The following OTOF variants were observed in gnomAD, a reference collection of about 807,000 sequenced individuals.
The protein encoded by OTOF is otoferlin, also known as fer-1-like family member 2.
A neutral mutation model predicts 236.8 loss-of-function variants in OTOF; 218 were observed. The ratio of observed to expected loss-of-function variants is 0.92; its 90% confidence interval spans 0.82 to 1.03. OTOF has a LOEUF of 1.03. Ranked by LOEUF, OTOF falls within the 50% of genes least tolerant of loss-of-function variation. OTOF has a pLI of 0.00. For missense variants in OTOF, 2,590 were observed against 2,694.4 expected (o/e 0.96, Z 0.86); for synonymous variants, 1,041 against 1,072.5 (o/e 0.97, Z 0.57).
intron 46 of OTOF, among the ~76,000 whole-genome samples, chr2:26,459,724 T>C (rs764956248): frequency 1.2e-4 from 19 of 152,134 alleles, no homozygotes; most frequent in Non-Finnish European, 2.4e-4. Flanking sequence ...CTCTTTGGCT[T>C]AATGTGGAAA....
intron 41 of OTOF, 116 bp downstream of exon 41, chr2:26,463,367 G>T: frequency 2.4e-6 from 2 of 836,296 alleles, no homozygotes; most frequent in Admixed American, 4.0e-5. Context: ...AGGCCCCAGG[G>T]ATGCCAACTG....
At chr2:26,547,173 TATTATC>T (rs1443020063) in intron 1 of OTOF, among the ~76,000 whole-genome samples, 1 of 152,256 alleles carries the variant, frequency 6.6e-6, no homozygotes, top group Admixed American at 6.5e-5. Flanking sequence ...TGCTGATAGT[TATTATC>T]ATGAATGGGT....
chr2:26,481,479 G>T (rs1184492083), intron 14 of OTOF, among the ~76,000 whole-genome samples: 1 of 152,138 alleles, frequency 6.6e-6, no homozygotes, highest in African/African-American at 2.4e-5. Context: ...CTAGGCACAA[G>T]TCCCTTCTCT....
Position 26,467,443 on chromosome 2 carries a change from C to T in OTOF, c.4149G>A (p.Lys1383=). 1 of 1,614,116 alleles carries T rather than the reference C, an allele frequency of 6.2e-7. No individual in the cohort carries two copies. The change falls in exon 34 of 47, where the codon AAG becomes AAA. Residue 1383 remains lysine, a synonymous_variant. Transcript: ENST00000272371. ...EKARAAKEEK[K]KKTQSSGSGQ... The stretch of plus-strand genomic sequence containing the variant: ...CAGAGCCAGAGCTCTGAGTTTTCTT[C>T]TTCTTCTCCTCTTTGGCAGCCCTTG...
Position 26,473,452 on chromosome 2 carries a change from TA to T in OTOF, c.3523del (p.Tyr1175IlefsTer28), listed in dbSNP as rs1315748720. The T allele has an allele frequency of 2.5e-6, 4 of 1,613,208 alleles. No individual in the cohort carries two copies. The highest frequency in any genetic ancestry group is 3.4e-6 in the Non-Finnish European group (4 of 1,179,978). ...KGVQSSLIHN[Y>X]KKNPNFNTLV... The stretch of plus-strand genomic sequence containing the variant: ...GGTGTTGAAGTTGGGGTTCTTCTTA[TA>T]ATTGTGGATCAGGGACGACTGCACC... On this transcript the variant is annotated frameshift_variant, in exon 28 of 47. Coordinates refer to ENST00000272371, the MANE Select transcript of OTOF (RefSeq NM_194248.3). LOFTEE classifies it high-confidence loss of function. This position sits in a 1 kb window ranked among gnomAD's most constrained non-coding sequence, Gnocchi z 7.2.
intron 2 of OTOF, among the ~76,000 whole-genome samples, chr2:26,536,574 G>T (rs758835143): frequency 6.6e-6 from 1 of 152,120 alleles, no homozygotes; most frequent in Non-Finnish European, 1.5e-5. Flanking sequence ...CAGCCACATC[G>T]TGTGGCCTGG....
rs56054534 is a variant in OTOF, at chr2:26,473,506, C to T, written c.3470G>A (p.Arg1157Gln). Residue 1157 changes from arginine (R) to glutamine (Q), a missense_variant, in exon 28 of 47, where the codon CGG (arginine) becomes CAG (glutamine). Around this residue, in one of 2 missense-constraint regions of OTOF, gnomAD observed 1,211 missense variants for 1,352.8 expected, o/e 0.90. Coordinates refer to ENST00000272371, the MANE Select transcript of OTOF (RefSeq NM_194248.3). This position sits in a 1 kb window ranked among gnomAD's most constrained non-coding sequence, Gnocchi z 7.2. The part of the protein sequence containing the change: ...RVNLAQVDRP[R>Q]VDIECAGKGV... ...CTTCCCTGCACACTCGATGTCCACC[C>T]GTGGCCGGTCCACCTGGGCCAGGTT... The T allele has an allele frequency of 0.012, 20,086 of 1,612,842 alleles. 146 individuals are homozygous for T. Among genetic ancestry groups the T allele is most frequent in the Non-Finnish European group, 0.015 (18,285 of 1,179,924 alleles).
chr2:26,483,520 A>T lies in OTOF; in HGVS notation c.1334T>A (p.Ile445Asn). The T allele has an allele frequency of 6.2e-7, 1 of 1,614,022 alleles. No individual in the cohort carries two copies. Among genetic ancestry groups the T allele is most frequent in the Non-Finnish European group, 8.5e-7 (1 of 1,180,030 alleles). The change falls in exon 13 of 47, where the codon ATC becomes AAC. Residue 445 changes from isoleucine to asparagine, a missense_variant. By Grantham distance (149) the Ile-to-Asn change is moderately radical. This residue lies in a region of OTOF where 1,379 missense variants were observed against 1,341.6 expected (regional missense o/e 1.03). Coordinates refer to ENST00000272371, the MANE Select transcript of OTOF (RefSeq NM_194248.3). ...SLMANVKKAFIGENKDLVDPY... is the reference protein window; with the variant it reads ...SLMANVKKAFNGENKDLVDPY... ...GTCCACGAGGTCCTTGTTTTCACCGATGAAAGCCTTCTTTACATTGGCCAT... is the reference window on the plus strand; with the variant it reads ...GTCCACGAGGTCCTTGTTTTCACCGTTGAAAGCCTTCTTTACATTGGCCAT...
chr2:26,462,168 C>A lies in OTOF; in HGVS notation c.5206G>T (p.Val1736Phe). The stretch of plus-strand genomic sequence containing the variant: ...ACCTCATCTGTGTTCCAGATGATGA[C>A]CCGCAGCTCGTACCTGGGCCCAGGG... ...PRKPKKYELR[V>F]IIWNTDEVVL... Residue 1736 changes from valine (V) to phenylalanine (F), a missense_variant, in exon 42 of 47, where the codon GTC becomes TTC. Physicochemically the swap from Val to Phe is conservative, Grantham distance 50. Transcript: ENST00000272371. The surrounding 1 kb of genome is among the most constrained non-coding windows in gnomAD (Gnocchi z 4.7). 1 of 1,613,850 alleles carries A rather than the reference C, an allele frequency of 6.2e-7. No homozygotes were observed. The highest frequency in any genetic ancestry group is 1.1e-5 in the South Asian group (1 of 91,052).
intron 3 of OTOF, among the ~76,000 whole-genome samples, chr2:26,527,116 G>A (rs753815548): frequency 1.3e-5 from 2 of 152,204 alleles, no homozygotes; most frequent in African/African-American, 2.4e-5. Context: ...GATAACGCTC[G>A]TATGGCAGGT....
chr2:26,549,284 G>A (rs114693974), intron 1 of OTOF, among the ~76,000 whole-genome samples: 4,387 of 152,212 alleles, frequency 0.029, 134 homozygotes, highest in Non-Finnish European at 0.033. Flanking sequence ...ATTGAGACTT[G>A]TCTAATTGCC....
chr2:26,535,886 C>A (rs1286863940), intron 2 of OTOF, among the ~76,000 whole-genome samples: 1 of 152,172 alleles, frequency 6.6e-6, no homozygotes, highest in African/African-American at 2.4e-5. Flanking sequence ...GTCGTGCATA[C>A]CTGTGGCTCA....
At chr2:26,541,507 T>G (rs1472027643) in intron 1 of OTOF, among the ~76,000 whole-genome samples, 1 of 152,122 alleles carries the variant, frequency 6.6e-6, no homozygotes, top group Non-Finnish European at 1.5e-5. Flanking sequence ...AAACAAAATG[T>G]CCTTCAGCAT....
At position 26,503,788 on chromosome 2, in the gene OTOF, C is replaced by T. The variant is rs761073938; in HGVS notation, c.567G>A (p.Glu189=). 1.9e-6 allele frequency: 3 copies of T among 1,614,036 alleles called. No individual in the cohort carries two copies. The highest frequency in any genetic ancestry group is 2.5e-6 in the Non-Finnish European group (3 of 1,179,898). ...MKLGKNRSHK[E]EPQRPDEPAV... Reference sequence around the variant, plus strand: ...CTGTCCTACCTGGTCTTTGGGGCTCCTCCTTGTGAGACCGGTTTTTGCCGA... The same window carrying T: ...CTGTCCTACCTGGTCTTTGGGGCTCTTCCTTGTGAGACCGGTTTTTGCCGA... Residue 189 remains glutamate, a synonymous_variant, in exon 6 of 47, where the codon GAG becomes GAA. Coordinates refer to ENST00000272371, the MANE Select transcript of OTOF (RefSeq NM_194248.3).
chr2:26,489,649 C>T (rs867025817), intron 10 of OTOF, 29 bp downstream of exon 10: 3 of 1,596,316 alleles, frequency 1.9e-6, no homozygotes, highest in Non-Finnish European at 1.7e-6. Context: ...GGGAGTGGCC[C>T]TGCCGGCCAG....
chr2:26,466,170 A>AGGGCAG, intron 36 of OTOF, 94 bp from the exon 37 acceptor site: 2 of 1,515,884 alleles, frequency 1.3e-6, no homozygotes, highest in South Asian at 1.2e-5. Context: ...ATGACAGTGA[A>AGGGCAG]GGGCAGGGGC....
At chr2:26,496,349 C>T (rs58805306) in intron 8 of OTOF, among the ~76,000 whole-genome samples, 9,517 of 151,566 alleles carry the variant, frequency 0.063, 1,015 homozygotes, top group African/African-American at 0.22. Context: ...ATTCTTCTGC[C>T]CCAGCCTCCC....
At chr2:26,547,298 A>G (rs993465252) in intron 1 of OTOF, among the ~76,000 whole-genome samples, 3 of 152,084 alleles carry the variant, frequency 2.0e-5, no homozygotes, top group East Asian at 3.9e-4. Flanking sequence ...TTAAATTAAC[A>G]TTGCATTCCT....
chr2:26,505,452 CAT>C (rs1050098896), intron 5 of OTOF, among the ~76,000 whole-genome samples: 2 of 152,030 alleles, frequency 1.3e-5, no homozygotes, highest in Non-Finnish European at 2.9e-5. Context: ...CACACACACA[CAT>C]ACAGGCCAAA....
Sources: gnomAD v4.1 joint callset for allele counts (sites outside exome capture counted in the v4.1 genomes callset) on GRCh38, gnomAD v4.1.1 for gene constraint, gnomAD v4.1.1 regional missense constraint, Gnocchi (gnomAD v3.1) non-coding constraint, MANE v1.5 for transcripts, NCBI Gene and HGNC (gene_info 2026-07-23, HGNC 2026-07-21) for gene names.